The following VIRMA variants were observed in gnomAD, a reference collection of about 807,000 sequenced individuals.
VIRMA encodes vir like m6A methyltransferase associated.
VIRMA carries 65 observed loss-of-function variants against 182.4 expected under a neutral mutation model. The observed-to-expected ratio is 0.36, with a 90% confidence interval of 0.29 to 0.44. The LOEUF (loss-of-function observed/expected upper bound fraction) is 0.44, where lower values mean the gene tolerates loss of function less well. Among genes scored for constraint, VIRMA ranks in the 20% least tolerant of loss-of-function variants. The pLI is 1.00. For missense variants in VIRMA, 1,752 were observed against 2,158.1 expected (o/e 0.81, Z 3.73); for synonymous variants, 709 against 743.1 (o/e 0.95, Z 0.75).
chr8:94,495,981 T>C, intron 18 of VIRMA, 90 bp from the exon 19 acceptor site: 1 of 1,146,018 alleles, frequency 8.7e-7, no homozygotes, highest in Non-Finnish European at 1.2e-6. Context: ...GCTATATGTA[T>C]TATTACTAAG....
At chr8:94,514,390 TA>T (rs537178364) in intron 11 of VIRMA, among the ~76,000 whole-genome samples, 1 of 152,236 alleles carries the variant, frequency 6.6e-6, no homozygotes, top group Non-Finnish European at 1.5e-5. Context: ...TTTTAACTGT[TA>T]TGAATTATTT....
chr8:94,498,279 T>TA (rs1481410863), intron 17 of VIRMA: 1 of 152,198 alleles, frequency 6.6e-6, no homozygotes, highest in Non-Finnish European at 1.5e-5. Context: ...AATAAGATTT[T>TA]AGAGTGGGGA....
Position 94,547,263 on chromosome 8 carries a change from C to T in VIRMA, c.64-3321G>A, listed in dbSNP as rs1034522702. 6.6e-5 allele frequency among the ~76,000 whole-genome samples: 10 copies of T among 150,860 alleles called. 1 individual carries two copies. The highest frequency in any genetic ancestry group is 1.0e-4 in the Non-Finnish European group (7 of 68,022). Reference sequence around the variant, plus strand: ...ATTAATGGTTATTGAATTGTGTTTTCAGAGAATTAAAAACAAAGCCTAGGA... The same window carrying T: ...ATTAATGGTTATTGAATTGTGTTTTTAGAGAATTAAAAACAAAGCCTAGGA... On this transcript the variant is annotated intron_variant, in intron 1 of 23. Coordinates refer to ENST00000297591, the MANE Select transcript of VIRMA (RefSeq NM_015496.5).
chr8:94,511,194 T>C lies in VIRMA; in HGVS notation c.3381A>G (p.Gln1127=), dbSNP rs768834912. Residue 1127 remains glutamine, a synonymous_variant, in exon 13 of 24, where the codon CAA becomes CAG. Coordinates refer to ENST00000297591, the MANE Select transcript of VIRMA (RefSeq NM_015496.5). ...TATATGGAAGTGATACCTGAGTTGT[T>C]TGCATGGGCAATGGAAGAGGCAGCA... ...SELLPLPLPM[Q]TTQVIEPHDI... is the part of the protein sequence containing the mutation. 5.0e-6 allele frequency: 8 copies of C among 1,613,556 alleles called. No individual in the cohort carries two copies. The highest frequency in any genetic ancestry group is 6.8e-6 in the Non-Finnish European group (8 of 1,179,892).
intron 17 of VIRMA, chr8:94,496,768 C>A: frequency 3.8e-6 from 1 of 260,160 alleles, no homozygotes. Context: ...ACGTGACACA[C>A]TGATTGATGC....
chr8:94,500,259 C>T (rs114449919), intron 16 of VIRMA, among the ~76,000 whole-genome samples: 3,673 of 151,848 alleles, frequency 0.024, 123 homozygotes, highest in African/African-American at 0.082. Context: ...ATTTGCCAGG[C>T]GTAGTGGTGC....
intron 9 of VIRMA, 34 bp downstream of exon 9, chr8:94,518,951 T>C: frequency 6.5e-7 from 1 of 1,531,898 alleles, no homozygotes; most frequent in Non-Finnish European, 8.8e-7. Context: ...TTTTCTAACA[T>C]CATAGAAAAT....
intron 1 of VIRMA, 60 bp downstream of exon 1, chr8:94,553,325 G>T: frequency 6.5e-7 from 1 of 1,543,792 alleles, no homozygotes; most frequent in Non-Finnish European, 9.0e-7. Flanking sequence ...ACGCCTAACG[G>T]TTTTTTTGTA....
At chr8:94,547,844 C>T (rs115292747) in intron 1 of VIRMA, among the ~76,000 whole-genome samples, 1 of 144,988 alleles carries the variant, frequency 6.9e-6, no homozygotes, top group African/African-American at 2.6e-5. Context: ...ACCAGCCTGG[C>T]AACACGGCAA....
intron 20 of VIRMA, 95 bp from the exon 21 acceptor site, chr8:94,492,913 G>C: frequency 2.0e-6 from 2 of 1,011,420 alleles, no homozygotes; most frequent in Non-Finnish European, 2.8e-6. Flanking sequence ...AATTATATTT[G>C]CCTCTCATAA....
intron 1 of VIRMA, among the ~76,000 whole-genome samples, chr8:94,551,868 G>T (rs969910971): frequency 6.6e-6 from 1 of 152,188 alleles, no homozygotes; most frequent in Non-Finnish European, 1.5e-5. Flanking sequence ...GGGGCAACAA[G>T]ATCAAACCAC....
chr8:94,553,257 G>A, intron 1 of VIRMA, 128 bp downstream of exon 1: 3 of 891,130 alleles, frequency 3.4e-6, no homozygotes, highest in Non-Finnish European at 1.9e-6. Flanking sequence ...GCTCGGGGGA[G>A]GGTGTCTGTG....
chr8:94,526,191 A>G (rs1386734962), intron 8 of VIRMA, 32 bp downstream of exon 8: 2 of 1,508,552 alleles, frequency 1.3e-6, no homozygotes, highest in African/African-American at 1.4e-5. Context: ...TGATTTGTGA[A>G]ATTTATTTCC....
chr8:94,512,055 C>A lies in VIRMA; in HGVS notation c.2786G>T (p.Gly929Val). The A allele has an allele frequency of 6.6e-7, 1 of 1,521,848 alleles. No homozygotes were observed. Among genetic ancestry groups the A allele is most frequent in the South Asian group, 1.3e-5 (1 of 74,432 alleles). 94.3% of individuals were successfully genotyped at this position (1,521,848 alleles called of 1,614,324 possible). A position where few individuals can be genotyped will look rare whatever the true frequency, so the allele number is the denominator to read the frequency against. Residue 929 changes from glycine to valine, a missense_variant, in exon 12 of 24, where the codon GGC becomes GTC. Gly to Val is a moderately radical substitution (Grantham distance 109). Around this residue, in one of 11 missense-constraint regions of VIRMA, gnomAD observed 777 missense variants for 920.6 expected, o/e 0.84. Coordinates refer to ENST00000297591, the MANE Select transcript of VIRMA (RefSeq NM_015496.5). ...GAGAACACGTAAGGCAGTGGTAAGG[C>A]CAACTCCTTCTGGGGTCATCAAGTT... ...IDNLMTPEGV[G>V]LTTALRVLCN...
chr8:94,535,801 A>G (rs1215079118), intron 4 of VIRMA, among the ~76,000 whole-genome samples: 2 of 152,052 alleles, frequency 1.3e-5, no homozygotes, highest in African/African-American at 4.8e-5. Context: ...AAAAAAGTAA[A>G]GGAACCCAGA....
chr8:94,526,597 A>G lies in VIRMA; in HGVS notation c.1647T>C (p.Ala549=). ...GGCATTTTTGGAGAATAGCTGAACC[A>G]GCAGTAACAACCCTCACAGTCTGAT... ...LLDQTVRVVT[A]GSAILQKCHF... The change falls in exon 8 of 24, where the codon GCT becomes GCC. Residue 549 remains alanine (A), a synonymous_variant. Transcript: ENST00000297591. 2 of 1,614,138 alleles carry G rather than the reference A, an allele frequency of 1.2e-6. No homozygotes were observed. The highest frequency in any genetic ancestry group is 1.7e-6 in the Non-Finnish European group (2 of 1,180,014).
chr8:94,527,799 T>C (rs1425010381), intron 7 of VIRMA, among the ~76,000 whole-genome samples: 1 of 152,212 alleles, frequency 6.6e-6, no homozygotes, highest in Non-Finnish European at 1.5e-5. Context: ...ACTAATATCA[T>C]CAGGTTAAAC....
chr8:94,526,171 T>C (rs564622620), intron 8 of VIRMA, 52 bp downstream of exon 8: 1 of 1,390,572 alleles, frequency 7.2e-7, no homozygotes, highest in East Asian at 2.3e-5. Context: ...CCACATAAAA[T>C]TGTCTCCAAT....
Position 94,528,543 on chromosome 8 carries a change from T to C in VIRMA, c.880+527A>G, listed in dbSNP as rs559668352. Among the ~76,000 whole-genome samples, 6 of 152,340 alleles carry C rather than the reference T, an allele frequency of 3.9e-5. No homozygotes were observed. In the South Asian group the frequency reaches 1.0e-3, roughly 26 times the overall value. ...GCCAATTAGCTTGAGTATCTCTCAC[T>C]TTTTGCTTTCAAAGGAAAAATAAAG... is the stretch of plus-strand genomic sequence containing the variant. On this transcript the variant is annotated intron_variant, in intron 7 of 23. Coordinates refer to ENST00000297591, the MANE Select transcript of VIRMA (RefSeq NM_015496.5).
Sources: allele counts gnomAD v4.1 joint callset (sites outside exome capture counted in the v4.1 genomes callset), GRCh38; gene constraint gnomAD v4.1.1; regional missense constraint gnomAD v4.1.1; transcripts MANE v1.5; gene names NCBI Gene and HGNC (gene_info 2026-07-23, HGNC 2026-07-21).